Variants in ANK2 observed in about 807,000 individuals in gnomAD.
ANK2 encodes ankyrin-2.
A neutral mutation model predicts 360.5 loss-of-function variants in ANK2; 83 were observed. That is an observed-to-expected ratio of 0.23 (90% confidence interval 0.19 to 0.28). ANK2 has a LOEUF of 0.28. Among genes scored for constraint, ANK2 ranks in the 10% least tolerant of loss-of-function variants. The pLI, the probability that ANK2 is intolerant of heterozygous loss-of-function variation, is 1.00. For synonymous variants in ANK2, 1,740 were observed against 1,759.5 expected, an observed-to-expected ratio of 0.99 and a Z score of 0.28; for missense variants, 4,201 against 4,795.7, an observed-to-expected ratio of 0.88 and a Z score of 3.66.
intron 2 of ANK2, among the ~76,000 whole-genome samples, chr4:112,954,542 T>G (rs754897037): frequency 2.0e-5 from 3 of 152,186 alleles, no homozygotes. Context: ...GCTTTTGGGC[T>G]TCATTCAACA....
At chr4:113,364,970 C>T (rs2096451007) in intron 40 of ANK2, 69 bp from the exon 41 acceptor site, 2 of 1,584,566 alleles carry the variant, frequency 1.3e-6, no homozygotes, top group African/African-American at 1.3e-5. Context: ...TTTAGTAAGG[C>T]AGTTGAGTGA....
At chr4:113,145,807 G>A in intron 1 of ANK2, 4 of 1,278,642 alleles carry the variant, frequency 3.1e-6, no homozygotes, top group Non-Finnish European at 4.1e-6. Context: ...ACCCCTGGGA[G>A]CCCTGGACAG....
chr4:113,234,716 A>C (rs905227296), intron 5 of ANK2, among the ~76,000 whole-genome samples: 7 of 152,240 alleles, frequency 4.6e-5, no homozygotes, highest in Non-Finnish European at 1.0e-4. Flanking sequence ...TAATCAAGAC[A>C]TTATGATCAC....
chr4:112,724,250 A>G, the ANK2 span, among the ~76,000 whole-genome samples: 1 of 151,916 alleles, frequency 6.6e-6, no homozygotes, highest in African/African-American at 2.4e-5. Context: ...TTTTTTGTAG[A>G]GACAGTGTCT....
intron 45 of ANK2, chr4:113,374,836 G>A: frequency 7.9e-7 from 1 of 1,271,394 alleles, no homozygotes; most frequent in South Asian, 1.3e-5. Flanking sequence ...AGGCCGTAGA[G>A]TCAGCAAAGT....
chr4:113,286,128 C>T (rs1224343077), intron 18 of ANK2, among the ~76,000 whole-genome samples: 1 of 152,198 alleles, frequency 6.6e-6, no homozygotes, highest in African/African-American at 2.4e-5. Context: ...ATTTGATGAT[C>T]ACTTCATGTG....
intron 1 of ANK2, chr4:112,882,281 A>G (rs2076913511): frequency 6.6e-6 from 1 of 152,598 alleles, no homozygotes; most frequent in African/African-American, 2.4e-5. Context: ...CAAGATTGCC[A>G]GTTTACAAAA....
intron 5 of ANK2, among the ~76,000 whole-genome samples, chr4:113,232,941 A>G (rs1167266805): frequency 1.3e-5 from 2 of 151,986 alleles, no homozygotes; most frequent in Admixed American, 1.3e-4. Flanking sequence ...AGCAAGTTCA[A>G]TGACTGTCTG....
chr4:112,782,120 G>A, the ANK2 span, among the ~76,000 whole-genome samples: 21 of 152,210 alleles, frequency 1.4e-4, no homozygotes, highest in East Asian at 3.7e-3. Flanking sequence ...GAGCCACCGC[G>A]CCCAGCCTGG....
chr4:112,749,232 C>T, the ANK2 span, among the ~76,000 whole-genome samples: 1 of 152,206 alleles, frequency 6.6e-6, no homozygotes, highest in African/African-American at 2.4e-5. Flanking sequence ...TTTGATCAAG[C>T]ATGCATCCTT....
chr4:113,323,259 T>C (rs530341910), intron 26 of ANK2, among the ~76,000 whole-genome samples: 1 of 152,324 alleles, frequency 6.6e-6, no homozygotes, highest in East Asian at 1.9e-4. Context: ...GTAATTGATA[T>C]TACCTACCCC....
chr4:113,016,470 C>G (rs1192942475), intron 2 of ANK2, among the ~76,000 whole-genome samples: 1 of 152,126 alleles, frequency 6.6e-6, no homozygotes, highest in Non-Finnish European at 1.5e-5. Flanking sequence ...CCTTTCCACT[C>G]TGAGCCCTCC....
At chr4:112,961,020 A>T (rs1173971650) in intron 2 of ANK2, among the ~76,000 whole-genome samples, 4 of 151,672 alleles carry the variant, frequency 2.6e-5, no homozygotes, top group Non-Finnish European at 5.9e-5. Flanking sequence ...TTTAAACTAT[A>T]TTAAAAATTC....
intron 1 of ANK2, among the ~76,000 whole-genome samples, chr4:112,844,782 G>A (rs1169259919): frequency 6.6e-6 from 1 of 152,144 alleles, no homozygotes; most frequent in Non-Finnish European, 1.5e-5. Context: ...GTTACTAGGA[G>A]CCAGTGAAGA....
intron 2 of ANK2, among the ~76,000 whole-genome samples, chr4:112,950,976 G>A (rs2094928371): frequency 6.7e-6 from 1 of 149,754 alleles, no homozygotes; most frequent in Non-Finnish European, 1.5e-5. Context: ...CAGCTACTTG[G>A]GAGGCTGAGG....
At chr4:112,766,723 C>T in the ANK2 span, among the ~76,000 whole-genome samples, 4 of 152,262 alleles carry the variant, frequency 2.6e-5, no homozygotes, top group South Asian at 4.2e-4. Context: ...TTAATCTTAC[C>T]GGAGTTATTT....
At position 113,369,566 on chromosome 4, in the gene ANK2, C is replaced by A. The variant is rs2154065996; in HGVS notation, c.11371C>A (p.Pro3791Thr). 6.2e-7 allele frequency: 1 copy of A among 1,614,098 alleles called. No homozygotes were observed. The highest frequency in any genetic ancestry group is 1.1e-5 in the South Asian group (1 of 91,072). Residue 3791 changes from proline (P) to threonine (T), a missense_variant, in exon 43 of 46, where the codon CCC (proline) becomes ACC (threonine). Coordinates refer to ENST00000357077, the MANE Select transcript of ANK2 (RefSeq NM_001148.6). ...TSETQKAMIV[P>T]SSPSKTPEEV... is the part of the protein sequence containing the mutation. ...AGAGACTCAGAAGGCTATGATAGTA[C>A]CCAGCTCTCCCAGCAAGACACCTGA...
intron 1 of ANK2, among the ~76,000 whole-genome samples, chr4:112,896,954 C>T (rs887174155): frequency 6.6e-6 from 1 of 152,120 alleles, no homozygotes; most frequent in Non-Finnish European, 1.5e-5. Context: ...TAAAGTGAAG[C>T]CTCTGTATGA....
chr4:113,361,475 A>G (rs2096221547), intron 39 of ANK2, among the ~76,000 whole-genome samples: 1 of 151,996 alleles, frequency 6.6e-6, no homozygotes, highest in South Asian at 2.1e-4. Context: ...TGTATGTTTT[A>G]AAAACTATAC....
Sources: gnomAD v4.1 joint callset for allele counts (sites outside exome capture counted in the v4.1 genomes callset) on GRCh38, gnomAD v4.1.1 for gene constraint, MANE v1.5 for transcripts, NCBI Gene and HGNC (gene_info 2026-07-23, HGNC 2026-07-21) for gene names.